CEP164: variants seen among roughly 807,000 people sequenced by gnomAD.
CEP164 encodes the protein centrosomal protein of 164 kDa.
CEP164 carries 162 observed loss-of-function variants against 182.7 expected under a neutral mutation model. The ratio of observed to expected loss-of-function variants is 0.89; its 90% CI spans 0.78 to 1.01. The LOEUF (loss-of-function observed/expected upper bound fraction) is 1.01, where lower values mean the gene tolerates loss of function less well. Among genes scored for constraint, CEP164 ranks in the 50% least tolerant of loss-of-function variants. The probability of loss-of-function intolerance (pLI) is 0.00; values close to 1 mark genes in which losing one functional copy is unlikely to be tolerated. For missense variants in CEP164, 1,735 were observed against 1,790.4 expected (o/e 0.97, Z 0.56); for synonymous variants, 661 against 690.0 (o/e 0.96, Z 0.66).
At position 117,371,345 on chromosome 11, in the gene CEP164, A is replaced by T. The variant is rs2042175619; in HGVS notation, c.1031A>T (p.Glu344Val). The T allele has an allele frequency of 4.3e-6, 7 of 1,614,236 alleles. No individual in the cohort carries two copies. Among genetic ancestry groups the T allele is most frequent in the South Asian group, 1.1e-5 (1 of 91,082 alleles). The change falls in exon 9 of 33, where the codon GAA becomes GTA. Residue 344 changes from glutamate to valine, a missense_variant. Glu to Val is a moderately radical substitution (Grantham distance 121). Coordinates refer to ENST00000278935, the MANE Select transcript of CEP164 (RefSeq NM_014956.5). The stretch of plus-strand genomic sequence containing the variant: ...GGCAGTGAGCCTGCCAAAGCCTCTG[A>T]AAAGGAAGCACCAGAGGACACAGTA... The part of the protein sequence containing the change: ...PTGSEPAKAS[E>V]KEAPEDTVDA...
Position 117,412,119 on chromosome 11 carries a change from T to C in CEP164, c.4334T>C (p.Leu1445Pro). 6.2e-7 allele frequency: 1 copy of C among 1,614,214 alleles called. No individual in the cohort carries two copies. Among genetic ancestry groups the C allele is most frequent in the Non-Finnish European group, 8.5e-7 (1 of 1,180,042 alleles). ...AAGCCAAAAGCTACTTTGAGCCTCC[T>C]GCAGCTGGGCCTTGATGAGCACAAC... ...TPKPKATLSL[L>P]QLGLDEHNRV... is the part of the protein sequence containing the mutation. Residue 1445 changes from leucine to proline, a missense_variant, in exon 33 of 33, where the codon CTG becomes CCG. Leu to Pro is a moderately conservative substitution (Grantham distance 98). Transcript: ENST00000278935.
At chr11:117,376,304 CT>C (rs760490996) in intron 11 of CEP164, among the ~76,000 whole-genome samples, 64 of 152,208 alleles carry the variant, frequency 4.2e-4, no homozygotes, top group Non-Finnish European at 5.4e-4. Flanking sequence ...TGTTCCCTTT[CT>C]TTGCTCCGTT....
chr11:117,371,529 G>A (rs973717966), intron 9 of CEP164, 63 bp downstream of exon 9: 33 of 1,524,006 alleles, frequency 2.2e-5, no homozygotes, highest in Middle Eastern at 2.4e-4. Context: ...GTTCAGCCCT[G>A]GGCAGGGTCC....
At chr11:117,357,278 T>C (rs1378272438) in intron 5 of CEP164, among the ~76,000 whole-genome samples, 1 of 152,004 alleles carries the variant, frequency 6.6e-6, no homozygotes, top group Non-Finnish European at 1.5e-5. Context: ...AGCCAATTTT[T>C]TTGTGTTTTT....
rs147156024 is a variant in CEP164 at position 117,399,061 on chromosome 11, G to A, written c.3501+1748G>A. On this transcript the variant is annotated intron_variant, in intron 27 of 32. Transcript: ENST00000278935. Reference sequence around the variant, plus strand: ...GCAGGTTTGTTACATAGGTATATACGTGTCATGGTGGTTTGCTGCACCCAA... The same window carrying A: ...GCAGGTTTGTTACATAGGTATATACATGTCATGGTGGTTTGCTGCACCCAA... 7.1e-3 allele frequency among the ~76,000 whole-genome samples: 1,084 copies of A among 152,078 alleles called. 22 individuals carry two copies. The highest frequency in any genetic ancestry group is 0.023 in the African/African-American group (964 of 41,448).
intron 2 of CEP164, among the ~76,000 whole-genome samples, chr11:117,336,891 C>T (rs1276271744): frequency 6.6e-6 from 1 of 151,934 alleles, no homozygotes; most frequent in Non-Finnish European, 1.5e-5. Flanking sequence ...CTGTGTGTGG[C>T]AGCAGTTTCC....
At position 117,411,670 on chromosome 11, in the gene CEP164, C is replaced by G. The variant is rs764683375; in HGVS notation, c.4164-125C>G. ...TGAAGCTTTGAATTGCTAGGGACCT[C>G]GGAGAAGCTGCTCTGGTAGCTGAGA... On this transcript the variant is annotated intron_variant, in intron 31 of 32. Transcript: ENST00000278935. The surrounding 1 kb of genome is among the most constrained non-coding windows in gnomAD (Gnocchi z 4.4). 2.9e-6 allele frequency: 4 copies of G among 1,365,936 alleles called. No homozygotes were observed. The highest frequency in any genetic ancestry group is 4.0e-6 in the Non-Finnish European group (4 of 994,604). The allele number at this position is 1,365,936 out of a possible 1,614,324, so 84.6% of individuals were successfully genotyped here. A position where few individuals can be genotyped will look rare whatever the true frequency, so the allele number is the denominator to read the frequency against.
At position 117,410,837 on chromosome 11, in the gene CEP164, C is replaced by G; in HGVS notation, c.4106C>G (p.Pro1369Arg). 1 of 1,612,794 alleles carries G rather than the reference C, an allele frequency of 6.2e-7. No individual in the cohort carries two copies. Among genetic ancestry groups the G allele is most frequent in the Admixed American group, 1.7e-5 (1 of 59,948 alleles). Residue 1369 changes from proline (P) to arginine (R), a missense_variant, in exon 31 of 33, where the codon CCG (proline) becomes CGG (arginine). Transcript: ENST00000278935. ...KWRKYFPSGI[P>R]LLSNSPTPLE... Reference sequence around the variant, plus strand: ...CCCCATGCTCTTCCAGCTGGCATCCCGCTGCTCAGCAACAGCCCCACCCCG... The same window carrying G: ...CCCCATGCTCTTCCAGCTGGCATCCGGCTGCTCAGCAACAGCCCCACCCCG...
At chr11:117,337,982 C>T (rs1485423605) in intron 2 of CEP164, among the ~76,000 whole-genome samples, 4 of 152,142 alleles carry the variant, frequency 2.6e-5, no homozygotes, top group African/African-American at 9.7e-5. Context: ...AGAATTCTTG[C>T]CAGCCTTCCT....
chr11:117,352,083 C>G, intron 5 of CEP164, 95 bp downstream of exon 5: 1 of 1,030,810 alleles, frequency 9.7e-7, no homozygotes, highest in Non-Finnish European at 1.4e-6. Context: ...AGGTTGAAGA[C>G]AACAGTCAGA....
intron 1 of CEP164, among the ~76,000 whole-genome samples, chr11:117,331,729 A>G (rs1315417570): frequency 6.7e-6 from 1 of 149,036 alleles, no homozygotes; most frequent in Admixed American, 6.8e-5. Context: ...GGGTCTTCCT[A>G]GCTTCTGAGA....
intron 8 of CEP164, among the ~76,000 whole-genome samples, chr11:117,368,961 G>A (rs756003814): frequency 2.0e-5 from 3 of 152,184 alleles, no homozygotes; most frequent in Non-Finnish European, 4.4e-5. Flanking sequence ...ACTTCTTTCT[G>A]GGACAGGGTT....
intron 5 of CEP164, among the ~76,000 whole-genome samples, chr11:117,360,353 A>G (rs781299387): frequency 2.5e-4 from 38 of 152,000 alleles, no homozygotes; most frequent in Non-Finnish European, 4.3e-4. Context: ...ATTTTTTTGT[A>G]GAGACAGTGT....
intron 27 of CEP164, among the ~76,000 whole-genome samples, chr11:117,403,134 T>G (rs979284825): frequency 1.3e-5 from 2 of 152,242 alleles, no homozygotes; most frequent in Non-Finnish European, 2.9e-5. Flanking sequence ...TTTGCCAGTC[T>G]GTGTCTTTTA....
intron 14 of CEP164, chr11:117,386,318 A>G (rs921431946): frequency 6.6e-6 from 1 of 152,228 alleles, no homozygotes; most frequent in African/African-American, 2.4e-5. Context: ...TATCCTGCTC[A>G]TGCTTTATCC....
At chr11:117,333,586 T>G (rs1354079099) in intron 1 of CEP164, among the ~76,000 whole-genome samples, 1 of 152,160 alleles carries the variant, frequency 6.6e-6, no homozygotes, top group Admixed American at 6.5e-5. Context: ...TGGAGTGTGG[T>G]GGCACAATCA....
chr11:117,375,272 C>T (rs79570587), intron 10 of CEP164, among the ~76,000 whole-genome samples: 12,688 of 152,162 alleles, frequency 0.083, 688 homozygotes, highest in East Asian at 0.19. Context: ...GGAGTCAGTG[C>T]GGGGCCCCAT....
chr11:117,363,282 C>T, intron 7 of CEP164, 147 bp from the exon 8 acceptor site: 4 of 589,634 alleles, frequency 6.8e-6, no homozygotes, highest in Middle Eastern at 4.5e-4. Context: ...GAGGCTGCCT[C>T]AGTGGTGGTC....
Position 117,392,616 on chromosome 11 carries a change from T to C in CEP164, c.2482T>C (p.Tyr828His). ...CCAGAAGTCTTATCACGTGGCTGGG[T>C]ATGAGCACGAGGTGAGTGCTGCTCT... is the stretch of plus-strand genomic sequence containing the variant. ...VHQKSYHVAGYEHELSSLLRE... is the reference protein window; with the variant it reads ...VHQKSYHVAGHEHELSSLLRE... The change falls in exon 19 of 33, where the codon TAT becomes CAT. Residue 828 changes from tyrosine (Y) to histidine (H), a missense_variant. Transcript: ENST00000278935. 5.6e-6 allele frequency: 9 copies of C among 1,614,006 alleles called. No homozygotes were observed. The highest frequency in any genetic ancestry group is 7.6e-6 in the Non-Finnish European group (9 of 1,179,988).
Sources: gnomAD v4.1 joint callset for allele counts (sites outside exome capture counted in the v4.1 genomes callset) on GRCh38, gnomAD v4.1.1 for gene constraint, Gnocchi (gnomAD v3.1) non-coding constraint, MANE v1.5 for transcripts, NCBI Gene and HGNC (gene_info 2026-07-23, HGNC 2026-07-21) for gene names.